The following SH3GLB2 variants were observed in gnomAD, a reference collection of about 807,000 sequenced individuals.
SH3GLB2 encodes SH3 domain containing GRB2 like, endophilin B2.
Under a neutral mutation model 48.0 loss-of-function variants are expected in SH3GLB2, and 24 were observed. That is an observed-to-expected ratio of 0.50 (90% confidence interval 0.36 to 0.70). SH3GLB2 has a LOEUF of 0.70. SH3GLB2 is among the 30% of genes least tolerant of loss of function. SH3GLB2 has a pLI of 0.00. For missense variants in SH3GLB2, 425 were observed against 516.0 expected, an observed-to-expected ratio of 0.82 and a Z score of 1.71; for synonymous variants, 227 against 207.6, an observed-to-expected ratio of 1.09 and a Z score of -0.80.
In SH3GLB2 at chr9:129,011,857, C is replaced by T. The variant is rs968110308; in HGVS notation, c.624+379G>A. The T allele has an allele frequency of 7.1e-5, 15 of 211,306 alleles. No individual in the cohort carries two copies. Among genetic ancestry groups the T allele is most frequent in the African/African-American group, 3.0e-4 (13 of 43,698 alleles). The allele number at this position is 211,306 out of a possible 1,614,324, so 13.1% of individuals were successfully genotyped here. On this transcript the variant is annotated intron_variant, in intron 6 of 10. Coordinates refer to ENST00000372564, the MANE Select transcript of SH3GLB2 (RefSeq NM_020145.4). The surrounding 1 kb of genome is among the most constrained non-coding windows in gnomAD (Gnocchi z 4.5). ...GGGGTCTGTGAACTCCAGAAAGGCA[C>T]GGCCAGGCCTCCTCCTCTATCCTCA...
intron 1 of SH3GLB2, among the ~76,000 whole-genome samples, chr9:129,027,337 G>A (rs1031867142): frequency 1.3e-5 from 2 of 152,134 alleles, no homozygotes; most frequent in Non-Finnish European, 2.9e-5. Flanking sequence ...TTCAGACTGA[G>A]AAACTGAGGC....
intron 9 of SH3GLB2, 114 bp downstream of exon 9, chr9:129,009,657 A>G (rs1842988346): frequency 2.9e-6 from 4 of 1,370,088 alleles, no homozygotes; most frequent in Non-Finnish European, 4.0e-6. Context: ...GTTCCAGCAG[A>G]GCCCTCCAAC....
At chr9:129,020,170 C>T (rs564867559) in intron 3 of SH3GLB2, among the ~76,000 whole-genome samples, 66 of 132,250 alleles carry the variant, frequency 5.0e-4, no homozygotes, top group African/African-American at 1.9e-3. Flanking sequence ...TGCGCCACTG[C>T]ACTCCAGCCC....
chr9:129,020,593 C>T (rs1369469889), intron 3 of SH3GLB2, among the ~76,000 whole-genome samples: 6 of 149,738 alleles, frequency 4.0e-5, no homozygotes, highest in Middle Eastern at 3.6e-3. Flanking sequence ...ATAGGCCGGG[C>T]GCGGTGGCTC....
Position 129,012,269 on chromosome 9 carries a change from A to T in SH3GLB2, c.591T>A (p.Pro197=). The change falls in exon 6 of 11, where the codon CCT becomes CCA. Residue 197 remains proline (P), a synonymous_variant. Transcript: ENST00000372564. ...CGCTGGCCGAGAGAATGTAATTACG[A>T]GGTCTAGTCTCCTGAAAGTCAGGCA... ...TTVPDFQETR[P]RNYILSASAS... is the part of the protein sequence containing the mutation. 7.7e-7 allele frequency: 1 copy of T among 1,301,916 alleles called. No individual in the cohort carries two copies. 80.6% of individuals were successfully genotyped at this position (1,301,916 alleles called of 1,614,324 possible). A position where few individuals can be genotyped will look rare whatever the true frequency, so the allele number is the denominator to read the frequency against.
intron 5 of SH3GLB2, chr9:129,013,959 T>C (rs1843271691): frequency 2.2e-6 from 1 of 457,012 alleles, no homozygotes; most frequent in African/African-American, 2.0e-5. Flanking sequence ...GACACGGCCC[T>C]GAGCAAGCGG....
intron 3 of SH3GLB2, among the ~76,000 whole-genome samples, chr9:129,017,540 G>C (rs1294607152): frequency 6.6e-6 from 1 of 151,998 alleles, no homozygotes; most frequent in Non-Finnish European, 1.5e-5. Flanking sequence ...AAGGCAGGCG[G>C]ATCACTTGAG....
intron 3 of SH3GLB2, among the ~76,000 whole-genome samples, chr9:129,016,879 A>G (rs914156294): frequency 6.6e-6 from 1 of 152,192 alleles, no homozygotes; most frequent in African/African-American, 2.4e-5. Context: ...TCCAAAATAC[A>G]TAAGGCAAAC....
intron 3 of SH3GLB2, among the ~76,000 whole-genome samples, chr9:129,017,157 C>T (rs1387664872): frequency 6.6e-6 from 1 of 151,846 alleles, no homozygotes; most frequent in Non-Finnish European, 1.5e-5. Flanking sequence ...ACCATGTTGG[C>T]CAGGCTGGTC....
At position 129,014,835 on chromosome 9, in the gene SH3GLB2, G is replaced by A. The variant is rs191419413; in HGVS notation, c.404C>T (p.Thr135Met). The change falls in exon 4 of 11, where the codon ACG becomes ATG. Residue 135 changes from threonine (T) to methionine (M), a missense_variant. Thr to Met is a moderately conservative substitution (Grantham distance 81). Coordinates refer to ENST00000372564, the MANE Select transcript of SH3GLB2 (RefSeq NM_020145.4). This position sits in a 1 kb window ranked among gnomAD's most constrained non-coding sequence, Gnocchi z 4.1. ...LGAAERDFIH[T>M]ASISFLTPLR... ...GGGTGTGAGGAAGCTGATGGAGGCC[G>A]TGTGGATAAAATCCCTCTCCGCGGC... 2.5e-5 allele frequency: 40 copies of A among 1,614,008 alleles called. No homozygotes were observed. The highest frequency in any genetic ancestry group is 8.0e-5 in the African/African-American group (6 of 75,006).
rs1184658382 is a variant in SH3GLB2, at chr9:129,028,185, C to T, written c.-31G>A. ...GCCCGCACGGCCGCCGCGCACGGCCCGAGCGCAGCCGGCAGCCCCCGGCCC... is the reference window on the plus strand; with the variant it reads ...GCCCGCACGGCCGCCGCGCACGGCCTGAGCGCAGCCGGCAGCCCCCGGCCC... On this transcript the variant is annotated 5_prime_UTR_variant, in exon 1 of 11. Transcript: ENST00000372564. 7.5e-7 allele frequency: 1 copy of T among 1,327,152 alleles called. No homozygotes were observed. The highest frequency in any genetic ancestry group is 1.8e-5 in the South Asian group (1 of 55,740). The allele number at this position is 1,327,152 out of a possible 1,614,324, so 82.2% of individuals were successfully genotyped here.
Position 129,014,309 on chromosome 9 carries a change from G to T in SH3GLB2, c.561+102C>A. 1.9e-6 allele frequency: 2 copies of T among 1,070,834 alleles called. No homozygotes were observed. The highest frequency in any genetic ancestry group is 2.7e-6 in the Non-Finnish European group (2 of 731,318). The allele number at this position is 1,070,834 out of a possible 1,614,324, so 66.3% of individuals were successfully genotyped here. On this transcript the variant is annotated intron_variant, in intron 5 of 10. Coordinates refer to ENST00000372564, the MANE Select transcript of SH3GLB2 (RefSeq NM_020145.4). The surrounding 1 kb of genome is among the most constrained non-coding windows in gnomAD (Gnocchi z 4.1). ...AGCCAGGCATCTCCAGCCAGGGAGA[G>T]GGGAGAGAGGTCATGCCAAATACCA...
chr9:129,010,649 GC>G lies in SH3GLB2; in HGVS notation c.648+20del, dbSNP rs1030999937. The G allele has an allele frequency of 6.2e-7, 1 of 1,613,616 alleles. No homozygotes were observed. The highest frequency in any genetic ancestry group is 8.5e-7 in the Non-Finnish European group (1 of 1,179,788). On this transcript the variant is annotated intron_variant, in intron 7 of 10. Transcript: ENST00000372564. ...CGCCACCCCTTCTTCCTCGAGCCCA[GC>G]CCCCCAGGCCCCAACTTACCTTGTC... is the stretch of plus-strand genomic sequence containing the variant.
chr9:129,013,418 C>T (rs1843237358), intron 5 of SH3GLB2: 3 of 254,198 alleles, frequency 1.2e-5, no homozygotes, highest in South Asian at 6.0e-5. Context: ...GTGTCTGGCC[C>T]GAAGTGACGG....
intron 9 of SH3GLB2, 196 bp from the exon 10 acceptor site, chr9:129,009,542 C>T: frequency 1.3e-6 from 2 of 1,547,660 alleles, no homozygotes; most frequent in South Asian, 1.2e-5. Context: ...CCATCCTCCC[C>T]ACCCAGGCAT....
chr9:129,009,584 TTGGCCG>T (rs1490474253), intron 9 of SH3GLB2, 181 bp downstream of exon 9: 39 of 1,528,442 alleles, frequency 2.6e-5, no homozygotes, highest in Non-Finnish European at 3.2e-5. Flanking sequence ...TCCAGGGGAC[TTGGCCG>T]TCAGTAAGGC....
chr9:129,027,488 G>C (rs894519002), intron 1 of SH3GLB2, among the ~76,000 whole-genome samples: 2 of 152,106 alleles, frequency 1.3e-5, no homozygotes, highest in Non-Finnish European at 2.9e-5. Context: ...TCTCAGCATC[G>C]TGGGCCTGGA....
rs1239042298 is a variant in SH3GLB2, at chr9:129,028,103, G to T, written c.52C>A (p.Arg18=). 2.7e-6 allele frequency: 4 copies of T among 1,500,656 alleles called. No individual in the cohort carries two copies. In the African/African-American group the frequency reaches 5.8e-5, roughly 22 times the overall value. The allele number at this position is 1,500,656 out of a possible 1,614,324, so 93.0% of individuals were successfully genotyped here. ...LASDAGIFFT[R]AVQFTEEKFG... is the part of the protein sequence containing the mutation. The stretch of plus-strand genomic sequence containing the variant: ...ACGCCAGGCCTCACCTGCACCGCCC[G>T]GGTGAAGAAGATGCCCGCGTCCGAC... Residue 18 remains arginine, a synonymous_variant, in exon 1 of 11, where the codon CGG becomes AGG. Transcript: ENST00000372564.
At chr9:129,008,927 A>G (rs1350504991) in intron 10 of SH3GLB2, 136 bp from the exon 11 acceptor site, 1 of 1,289,314 alleles carries the variant, frequency 7.8e-7, no homozygotes, top group Non-Finnish European at 1.1e-6. Context: ...CGCTCATCTC[A>G]CTTGCTCCAG....
Sources: allele counts gnomAD v4.1 joint callset (sites outside exome capture counted in the v4.1 genomes callset), GRCh38; gene constraint gnomAD v4.1.1; non-coding constraint Gnocchi (gnomAD v3.1); transcripts MANE v1.5; gene names NCBI Gene and HGNC (gene_info 2026-07-23, HGNC 2026-07-21).